Variants in SPATA13 observed in about 807,000 individuals in gnomAD.
SPATA13 encodes the protein spermatogenesis associated 13, also known as spermatogenesis-associated protein 13.
Under a neutral mutation model 104.0 loss-of-function variants are expected in SPATA13, and 50 were observed. That is an observed-to-expected ratio of 0.48 (90% confidence interval 0.38 to 0.61). The LOEUF is 0.61. Among genes scored for constraint, SPATA13 ranks in the 20% least tolerant of loss-of-function variants. The probability of loss-of-function intolerance (pLI) is 0.00; values close to 1 mark genes in which losing one functional copy is unlikely to be tolerated. For missense variants in SPATA13, 1,524 were observed against 1,690.6 expected (o/e 0.90, Z 1.73); for synonymous variants, 606 against 667.5 (o/e 0.91, Z 1.42).
At chr13:24,253,461 T>C (rs1210016620) in intron 4 of SPATA13, among the ~76,000 whole-genome samples, 1 of 137,634 alleles carries the variant, frequency 7.3e-6, no homozygotes, top group Non-Finnish European at 1.5e-5. Flanking sequence ...CTCTTCAGCG[T>C]TGATTAACTA....
In SPATA13 at chr13:23,993,205, C is replaced by A. The variant is rs558054551; in HGVS notation, c.-147+9272C>A. ...CACTGTGGCAGCTGGGGTTCCTAAG[C>A]CTGGCACTTTGCAACTGCAGAATCA... On this transcript the variant is annotated intron_variant, in intron 2 of 14. Coordinates refer to the SPATA13 transcript ENST00000424834. 3.3e-5 allele frequency among the ~76,000 whole-genome samples: 5 copies of A among 152,362 alleles called. No homozygotes were observed. In the East Asian group the frequency reaches 9.7e-4, roughly 29 times the overall value.
At chr13:24,158,367 C>T (rs1316645900), upstream of SPATA13, among the ~76,000 whole-genome samples, 1 of 152,172 alleles carries the variant, frequency 6.6e-6, no homozygotes, top group Admixed American at 6.5e-5. Flanking sequence ...TAGGCTTTTA[C>T]ACAGAGGCCA....
intron 3 of SPATA13, among the ~76,000 whole-genome samples, chr13:24,085,451 A>G (rs1208155051): frequency 6.6e-6 from 1 of 152,008 alleles, no homozygotes; most frequent in African/African-American, 2.4e-5. Flanking sequence ...AATAAGCAAC[A>G]TTGGCCAACT....
chr13:24,154,135 A>C (rs111688035), intron 3 of SPATA13, among the ~76,000 whole-genome samples: 2 of 151,932 alleles, frequency 1.3e-5, no homozygotes, highest in African/African-American at 4.8e-5. Context: ...TGAAAAAAAA[A>C]GCTTGGCCGT....
At chr13:24,049,528 C>T (rs1309383395) in intron 3 of SPATA13, among the ~76,000 whole-genome samples, 3 of 152,118 alleles carry the variant, frequency 2.0e-5, no homozygotes, top group Non-Finnish European at 4.4e-5. Flanking sequence ...GTAAGAAATG[C>T]ATGACTAGAC....
chr13:24,261,300 GC>G (rs934843308), intron 4 of SPATA13, among the ~76,000 whole-genome samples: 1 of 152,212 alleles, frequency 6.6e-6, no homozygotes, highest in African/African-American at 2.4e-5. Flanking sequence ...TGCCTCTGAT[GC>G]CTGGCTGACA....
chr13:24,100,768 C>T (rs1245810535), intron 3 of SPATA13, among the ~76,000 whole-genome samples: 1 of 152,240 alleles, frequency 6.6e-6, no homozygotes, highest in Non-Finnish European at 1.5e-5. Context: ...GAGCTCCTCA[C>T]TCCCGTGCTG....
intron 3 of SPATA13, among the ~76,000 whole-genome samples, chr13:24,093,641 G>A (rs572688112): frequency 3.5e-4 from 53 of 152,302 alleles, no homozygotes; most frequent in Non-Finnish European, 5.6e-4. Flanking sequence ...GTCACATAAA[G>A]GAAATAGAAG....
At chr13:24,297,758 G>C (rs1229346641) in intron 11 of SPATA13, 23 bp downstream of exon 11, 3 of 1,591,402 alleles carry the variant, frequency 1.9e-6, no homozygotes, top group Non-Finnish European at 2.6e-6. Context: ...TGGCTCTGCA[G>C]GCACCTGTGC....
chr13:24,190,020 C>CAT (rs200999275), intron 1 of SPATA13, among the ~76,000 whole-genome samples: 2,726 of 7,258 alleles, frequency 0.38, 1,124 homozygotes, highest in Middle Eastern at 1. Context: ...TATTATATAA[C>CAT]ATAATGATAT....
At chr13:24,104,592 C>T (rs1318663054) in intron 3 of SPATA13, among the ~76,000 whole-genome samples, 20 of 152,172 alleles carry the variant, frequency 1.3e-4, no homozygotes, top group Non-Finnish European at 1.5e-5. Flanking sequence ...TCATTTACTC[C>T]TTCACTCATA....
rs1870921198 is a variant in SPATA13 at position 24,209,954 on chromosome 13, C to A, written c.-111-12865C>A. On this transcript the variant is annotated intron_variant, in intron 1 of 12. Coordinates refer to ENST00000382108, the MANE Select transcript of SPATA13 (RefSeq NM_001166271.3). ...TAACCTCTGGTCTTTTTGATAATAA[C>A]CATCCTAACAGGTGTGAGGTGGTAT... is the stretch of plus-strand genomic sequence containing the variant. 2.0e-5 allele frequency among the ~76,000 whole-genome samples: 3 copies of A among 152,152 alleles called. No individual in the cohort carries two copies. In the South Asian group the frequency reaches 6.2e-4, roughly 32 times the overall value.
In SPATA13 at chr13:24,256,564, AT is replaced by A. The variant is rs561049769; in HGVS notation, c.2164+4715del. Among the ~76,000 whole-genome samples, 881 of 147,420 alleles carry A rather than the reference AT, an allele frequency of 6.0e-3. 8 individuals carry two copies. Among genetic ancestry groups the A allele is most frequent in the African/African-American group, 0.018 (723 of 40,482 alleles). On this transcript the variant is annotated intron_variant, in intron 4 of 12. Coordinates refer to ENST00000382108, the MANE Select transcript of SPATA13 (RefSeq NM_001166271.3). ...TATAGAAAATTGAACATTGCATTTA[AT>A]TTTTTTTTTTTTAAAGAAATGAAGG...
At chr13:24,231,519 G>A (rs9580902) in intron 2 of SPATA13, among the ~76,000 whole-genome samples, 3,234 of 152,288 alleles carry the variant, frequency 0.021, 124 homozygotes, top group African/African-American at 0.07. Context: ...ATGGAGATGG[G>A]TTGTTTCTGC....
At chr13:23,992,758 A>T (rs1875474290) in intron 2 of SPATA13, among the ~76,000 whole-genome samples, 1 of 152,124 alleles carries the variant, frequency 6.6e-6, no homozygotes, top group Non-Finnish European at 1.5e-5. Context: ...TGGCAAACTC[A>T]CATCCATAGT....
At chr13:24,228,108 CTTTTT>C (rs71186818) in intron 2 of SPATA13, among the ~76,000 whole-genome samples, 14 of 102,280 alleles carry the variant, frequency 1.4e-4, no homozygotes, top group Non-Finnish European at 2.0e-4. Context: ...CTCTTGTACT[CTTTTT>C]TTTTTTTTTT....
At chr13:24,012,653 C>T (rs548132897) in intron 2 of SPATA13, among the ~76,000 whole-genome samples, 7 of 152,348 alleles carry the variant, frequency 4.6e-5, no homozygotes, top group Admixed American at 2.0e-4. Flanking sequence ...CCCCGTCTTC[C>T]GCAGCCAACC....
At chr13:24,090,784 C>T (rs544349357) in intron 3 of SPATA13, among the ~76,000 whole-genome samples, 55 of 152,292 alleles carry the variant, frequency 3.6e-4, no homozygotes, top group African/African-American at 1.3e-3. Flanking sequence ...ACATCTGGGC[C>T]CCTTGGACAG....
At chr13:24,084,802 G>A (rs980898703) in intron 3 of SPATA13, among the ~76,000 whole-genome samples, 9 of 152,072 alleles carry the variant, frequency 5.9e-5, no homozygotes, top group Non-Finnish European at 8.8e-5. Flanking sequence ...CAGCAGGATC[G>A]CTTGAGCCCA....
Sources: allele counts gnomAD v4.1 joint callset (sites outside exome capture counted in the v4.1 genomes callset), GRCh38; gene constraint gnomAD v4.1.1; transcripts MANE v1.5; gene names NCBI Gene and HGNC (gene_info 2026-07-23, HGNC 2026-07-21).